GALNT13: variants seen among roughly 807,000 people sequenced by gnomAD.
The protein encoded by GALNT13 is UDP-GalNAc:polypeptide N-acetylgalactosaminyltransferase 13.
A neutral mutation model predicts 64.2 loss-of-function variants in GALNT13; 28 were observed. The observed-to-expected ratio is 0.44, with a 90% confidence interval of 0.32 to 0.60. GALNT13 has a LOEUF of 0.60. Among genes scored for constraint, GALNT13 ranks in the 20% least tolerant of loss-of-function variants. GALNT13 has a pLI of 0.05. For missense variants in GALNT13, 577 were observed against 669.8 expected, an observed-to-expected ratio of 0.86 and a Z score of 1.53; for synonymous variants, 214 against 224.6, an observed-to-expected ratio of 0.95 and a Z score of 0.42.
At chr2:153,732,270 C>A in the GALNT13 span, among the ~76,000 whole-genome samples, 3 of 151,958 alleles carry the variant, frequency 2.0e-5, no homozygotes, top group South Asian at 6.2e-4. Flanking sequence ...CTTCTTGTTT[C>A]AGTGTCTTTT....
At chr2:153,181,030 C>CTTTTTTTTTT in the GALNT13 span, among the ~76,000 whole-genome samples, 76 of 32,058 alleles carry the variant, frequency 2.4e-3, 3 homozygotes, top group Non-Finnish European at 2.8e-3. Flanking sequence ...TTTATTGTTT[C>CTTTTTTTTTT]TTTTTTTTTT....
At chr2:154,300,811 G>T (rs1363410162) in intron 8 of GALNT13, among the ~76,000 whole-genome samples, 5 of 152,032 alleles carry the variant, frequency 3.3e-5, no homozygotes, top group Non-Finnish European at 7.4e-5. Context: ...AGTCCTAAAA[G>T]CATGCTTAAA....
the GALNT13 span, among the ~76,000 whole-genome samples, chr2:153,586,212 GA>G: frequency 2.0e-5 from 3 of 152,082 alleles, no homozygotes; most frequent in Admixed American, 2.0e-4. Context: ...TATTCACCTT[GA>G]ATATAAATGG....
the GALNT13 span, among the ~76,000 whole-genome samples, chr2:153,104,721 A>G: frequency 3.3e-5 from 5 of 152,184 alleles, no homozygotes; most frequent in East Asian, 9.6e-4. Flanking sequence ...AGGCTGTGAA[A>G]GAAAAAATAT....
At chr2:153,464,281 C>T in the GALNT13 span, among the ~76,000 whole-genome samples, 1 of 152,142 alleles carries the variant, frequency 6.6e-6, no homozygotes. Flanking sequence ...GGATCCTCTC[C>T]CACCCCATCA....
chr2:153,702,500 CG>C, the GALNT13 span, among the ~76,000 whole-genome samples: 2 of 151,654 alleles, frequency 1.3e-5, no homozygotes, highest in African/African-American at 4.8e-5. Context: ...AGCTTAGGCC[CG>C]TATGGTAAAT....
chr2:153,302,772 T>A, the GALNT13 span, among the ~76,000 whole-genome samples: 1 of 152,192 alleles, frequency 6.6e-6, no homozygotes, highest in Non-Finnish European at 1.5e-5. Context: ...GCTATTCAGT[T>A]GTTCCAACAC....
chr2:153,862,702 C>T, the GALNT13 span, among the ~76,000 whole-genome samples: 1 of 151,900 alleles, frequency 6.6e-6, no homozygotes, highest in Non-Finnish European at 1.5e-5. Flanking sequence ...AAGAAATATA[C>T]ATATGATGTA....
the GALNT13 span, among the ~76,000 whole-genome samples, chr2:153,815,070 A>T: frequency 6.6e-6 from 1 of 152,208 alleles, no homozygotes; most frequent in Non-Finnish European, 1.5e-5. Context: ...ATTCTCAGAC[A>T]AGCTATTGCC....
the GALNT13 span, among the ~76,000 whole-genome samples, chr2:153,192,519 C>T: frequency 6.6e-6 from 1 of 152,086 alleles, no homozygotes; most frequent in East Asian, 1.9e-4. Flanking sequence ...GCCATTTGGT[C>T]TAAAGTGCAG....
intron 12 of GALNT13, chr2:154,446,485 A>G (rs1230632772): frequency 2.4e-5 from 32 of 1,343,078 alleles, no homozygotes; most frequent in Non-Finnish European, 3.1e-5. Flanking sequence ...TCCAGTAGAA[A>G]TTGCATGTTG....
the GALNT13 span, among the ~76,000 whole-genome samples, chr2:153,726,703 A>C: frequency 3.9e-5 from 6 of 152,122 alleles, no homozygotes; most frequent in South Asian, 1.2e-3. Context: ...GCACTTTGGG[A>C]GGCCGAGGGG....
chr2:154,183,570 G>A (rs1471987721), intron 4 of GALNT13, among the ~76,000 whole-genome samples: 4 of 151,972 alleles, frequency 2.6e-5, no homozygotes, highest in African/African-American at 9.7e-5. Context: ...ACATTAGCTG[G>A]GTATGGTAGT....
chr2:154,135,037 A>T (rs1003777035), intron 3 of GALNT13, among the ~76,000 whole-genome samples: 7 of 152,194 alleles, frequency 4.6e-5, no homozygotes, highest in African/African-American at 1.7e-4. Flanking sequence ...GAATGAAATT[A>T]TAAAATTCAG....
chr2:153,461,921 A>G, the GALNT13 span, among the ~76,000 whole-genome samples: 1 of 152,120 alleles, frequency 6.6e-6, no homozygotes, highest in Non-Finnish European at 1.5e-5. Flanking sequence ...CTGCTCTGAT[A>G]TTATGAGAGC....
chr2:153,518,229 GT>G, the GALNT13 span, among the ~76,000 whole-genome samples: 1 of 151,932 alleles, frequency 6.6e-6, no homozygotes, highest in African/African-American at 2.4e-5. Flanking sequence ...TTCTTCTATT[GT>G]TTTTCTCATA....
the GALNT13 span, among the ~76,000 whole-genome samples, chr2:153,503,179 C>T: frequency 6.6e-6 from 1 of 152,132 alleles, no homozygotes; most frequent in Non-Finnish European, 1.5e-5. Flanking sequence ...ATGATCTTTT[C>T]AATGTCATCT....
the GALNT13 span, among the ~76,000 whole-genome samples, chr2:153,588,617 G>T: frequency 6.6e-6 from 1 of 152,176 alleles, no homozygotes; most frequent in Admixed American, 6.5e-5. Context: ...TAGGCCTCCA[G>T]GCCTGTGATT....
At chr2:154,349,773 C>T (rs1696285769) in intron 9 of GALNT13, among the ~76,000 whole-genome samples, 1 of 152,164 alleles carries the variant, frequency 6.6e-6, no homozygotes, top group South Asian at 2.1e-4. Flanking sequence ...AATCTCTGGA[C>T]ACTGATAAAT....
Sources: gnomAD v4.1 joint callset for allele counts (sites outside exome capture counted in the v4.1 genomes callset) on GRCh38, gnomAD v4.1.1 for gene constraint, MANE v1.5 for transcripts, NCBI Gene and HGNC (gene_info 2026-07-23, HGNC 2026-07-21) for gene names.